PDE1A: variants seen among roughly 807,000 people sequenced by gnomAD.
PDE1A encodes the protein phosphodiesterase 1A.
In PDE1A, 35 loss-of-function variants were observed where a neutral mutation model predicts 61.7. That is an observed-to-expected ratio of 0.57 (90% CI 0.43 to 0.75). The LOEUF (loss-of-function observed/expected upper bound fraction) is 0.75, where lower values mean the gene tolerates loss of function less well. Ranked by LOEUF, PDE1A falls within the 30% of genes least tolerant of loss-of-function variation. The pLI is 0.00. For missense variants in PDE1A, 597 were observed against 630.6 expected, an observed-to-expected ratio of 0.95 and a Z score of 0.57; for synonymous variants, 232 against 213.2, an observed-to-expected ratio of 1.09 and a Z score of -0.77.
the PDE1A span, among the ~76,000 whole-genome samples, chr2:182,573,962 T>C: frequency 8.5e-6 from 1 of 116,970 alleles, no homozygotes; most frequent in South Asian, 3.0e-4. Flanking sequence ...TATATTTATA[T>C]ATTTTTTTAT....
intron 1 of PDE1A, among the ~76,000 whole-genome samples, chr2:182,282,693 G>T (rs929361172): frequency 2.6e-5 from 4 of 151,814 alleles, no homozygotes; most frequent in African/African-American, 4.8e-5. Context: ...CATACACCAA[G>T]AATTTAATTT....
the PDE1A span, among the ~76,000 whole-genome samples, chr2:182,572,273 A>G: frequency 6.6e-6 from 1 of 152,190 alleles, no homozygotes; most frequent in African/African-American, 2.4e-5. Flanking sequence ...ACTAAAGAAG[A>G]ATGAGGAGAA....
chr2:182,532,392 T>A, the PDE1A span, among the ~76,000 whole-genome samples: 11 of 152,168 alleles, frequency 7.2e-5, no homozygotes, highest in South Asian at 6.2e-4. Flanking sequence ...TTAAATTTTT[T>A]AAAAAACTTT....
chr2:182,264,070 G>C (rs1238615767), intron 2 of PDE1A, among the ~76,000 whole-genome samples: 1 of 152,152 alleles, frequency 6.6e-6, no homozygotes, highest in Non-Finnish European at 1.5e-5. Context: ...TTTAGTGTTT[G>C]ACTATCTTAT....
the PDE1A span, among the ~76,000 whole-genome samples, chr2:182,595,827 T>C: frequency 1.3e-5 from 2 of 152,234 alleles, no homozygotes; most frequent in Non-Finnish European, 2.9e-5. Context: ...ACATCCGGAA[T>C]AAAGATTAGG....
At chr2:182,187,502 T>C (rs964119145) in intron 11 of PDE1A, among the ~76,000 whole-genome samples, 1 of 152,134 alleles carries the variant, frequency 6.6e-6, no homozygotes, top group African/African-American at 2.4e-5. Flanking sequence ...GGAGAATAGC[T>C]GGAGGTAGGC....
intron 10 of PDE1A, among the ~76,000 whole-genome samples, chr2:182,197,254 ATTTTCTTTT>A (rs1686208299): frequency 6.6e-6 from 1 of 150,952 alleles, no homozygotes; most frequent in South Asian, 2.1e-4. Context: ...AATTGGCCTG[ATTTTCTTTT>A]TACTATTGAT....
intron 2 of PDE1A, among the ~76,000 whole-genome samples, chr2:182,258,186 A>G (rs1488484164): frequency 6.6e-6 from 1 of 152,118 alleles, no homozygotes; most frequent in Non-Finnish European, 1.5e-5. Flanking sequence ...AAAGAAAAGA[A>G]AAAAAGAAAA....
chr2:182,386,177 C>T (rs866465691), intron 1 of PDE1A, among the ~76,000 whole-genome samples: 111 of 152,256 alleles, frequency 7.3e-4, no homozygotes, highest in African/African-American at 2.3e-3. Flanking sequence ...AGTGCAGTGG[C>T]GTGATCTTGG....
chr2:182,219,904 T>C (rs542366052), intron 7 of PDE1A, among the ~76,000 whole-genome samples: 390 of 152,218 alleles, frequency 2.6e-3, no homozygotes, highest in Middle Eastern at 6.8e-3. Context: ...ACCATAAATG[T>C]ACACAATAAA....
At chr2:182,488,963 T>C (rs1448132697) in intron 2 of PDE1A, among the ~76,000 whole-genome samples, 11 of 152,242 alleles carry the variant, frequency 7.2e-5, no homozygotes, top group African/African-American at 1.4e-4. Flanking sequence ...TGCTTTCTAA[T>C]GGGCATGGGC....
At chr2:182,376,921 G>A (rs1474739054) in intron 1 of PDE1A, among the ~76,000 whole-genome samples, 1 of 152,170 alleles carries the variant, frequency 6.6e-6, no homozygotes, top group African/African-American at 2.4e-5. Flanking sequence ...CAGATTTCGT[G>A]AGACTTATTC....
intron 13 of PDE1A, among the ~76,000 whole-genome samples, chr2:182,176,129 G>T (rs1000317048): frequency 1.3e-5 from 2 of 148,912 alleles, no homozygotes; most frequent in African/African-American, 5.2e-5. Flanking sequence ...GATGCCTCCA[G>T]CTTTGTTCTT....
chr2:182,159,690 G>T (rs1046645204), intron 13 of PDE1A, among the ~76,000 whole-genome samples: 1 of 152,154 alleles, frequency 6.6e-6, no homozygotes. Flanking sequence ...AATGTAGGCC[G>T]AGTGCATTGG....
chr2:182,710,182 A>C, the PDE1A span, among the ~76,000 whole-genome samples: 1 of 152,230 alleles, frequency 6.6e-6, no homozygotes, highest in African/African-American at 2.4e-5. Context: ...GGCGTGAGCC[A>C]CTGCACCTGG....
intron 13 of PDE1A, among the ~76,000 whole-genome samples, chr2:182,148,422 C>A (rs1354897127): frequency 6.6e-6 from 1 of 152,214 alleles, no homozygotes; most frequent in African/African-American, 2.4e-5. Context: ...ACTCACTAGA[C>A]CTGGCAGGCG....
At chr2:182,586,661 C>T in the PDE1A span, among the ~76,000 whole-genome samples, 2 of 152,142 alleles carry the variant, frequency 1.3e-5, no homozygotes, top group African/African-American at 4.8e-5. Context: ...TGACTAGATA[C>T]TGCCAACACC....
At chr2:182,594,036 C>T in the PDE1A span, among the ~76,000 whole-genome samples, 1 of 152,118 alleles carries the variant, frequency 6.6e-6, no homozygotes, top group Admixed American at 6.6e-5. Flanking sequence ...TATAAAAGGG[C>T]CCTTAAGTCT....
the PDE1A span, among the ~76,000 whole-genome samples, chr2:182,680,540 C>A: frequency 5.3e-5 from 8 of 152,098 alleles, no homozygotes; most frequent in Admixed American, 1.3e-4. Context: ...TACATAGATA[C>A]TATTTTTTAA....
Sources: gnomAD v4.1 joint callset for allele counts (sites outside exome capture counted in the v4.1 genomes callset) on GRCh38, gnomAD v4.1.1 for gene constraint, MANE v1.5 for transcripts, NCBI Gene and HGNC (gene_info 2026-07-23, HGNC 2026-07-21) for gene names.